Variants in OSBPL9 observed in about 807,000 individuals in gnomAD.
OSBPL9 encodes oxysterol binding protein like 9.
Under a neutral mutation model 106.6 loss-of-function variants are expected in OSBPL9, and 40 were observed. That is an observed-to-expected ratio of 0.38 (90% CI 0.29 to 0.49). The LOEUF is 0.49. Among genes scored for constraint, OSBPL9 ranks in the 20% least tolerant of loss-of-function variants. OSBPL9 has a pLI of 0.97. For missense variants in OSBPL9, 609 were observed against 887.2 expected (o/e 0.69, Z 3.98); for synonymous variants, 269 against 295.4 (o/e 0.91, Z 0.92).
At chr1:51,641,011 A>G (rs969648079) in intron 1 of OSBPL9, among the ~76,000 whole-genome samples, 9 of 151,422 alleles carry the variant, frequency 5.9e-5, no homozygotes, top group Non-Finnish European at 1.2e-4. Context: ...CTGGTCTCCA[A>G]CTCCTGGCCT....
chr1:51,749,459 C>A, intron 7 of OSBPL9: 1 of 385,552 alleles, frequency 2.6e-6, no homozygotes, highest in South Asian at 2.0e-5. Context: ...GCTATAGGCA[C>A]ACGCTACCAC....
the OSBPL9 span, among the ~76,000 whole-genome samples, chr1:51,530,198 A>G: frequency 5.3e-3 from 740 of 140,724 alleles, 15 homozygotes; most frequent in African/African-American, 0.02. Flanking sequence ...AAAAACAAAA[A>G]AAAAAAACCT....
the OSBPL9 span, chr1:51,538,696 T>G: frequency 6.7e-6 from 1 of 149,702 alleles, no homozygotes; most frequent in South Asian, 2.1e-4. Flanking sequence ...GTATTGTTCC[T>G]TTTTTTTTGT....
At chr1:51,630,627 G>A (rs1178711626) in intron 1 of OSBPL9, among the ~76,000 whole-genome samples, 1 of 152,094 alleles carries the variant, frequency 6.6e-6, no homozygotes, top group Non-Finnish European at 1.5e-5. Flanking sequence ...TGTGAAGGCC[G>A]GGGACATTAC....
intron 12 of OSBPL9, among the ~76,000 whole-genome samples, chr1:51,768,074 T>G (rs1334789226): frequency 6.6e-6 from 1 of 150,570 alleles, no homozygotes; most frequent in African/African-American, 2.4e-5. Context: ...CCCGAGTAGC[T>G]GGGACTACAG....
At chr1:51,602,005 C>A (rs543140523) in intron 2 of OSBPL9, among the ~76,000 whole-genome samples, 1 of 97,774 alleles carries the variant, frequency 1.0e-5, no homozygotes, top group South Asian at 3.8e-4. Context: ...TCAATTGTTC[C>A]ATTCTTGGGG....
intron 2 of OSBPL9, among the ~76,000 whole-genome samples, chr1:51,660,343 C>T (rs1231484189): frequency 6.6e-6 from 1 of 151,848 alleles, no homozygotes; most frequent in South Asian, 2.1e-4. Flanking sequence ...AAAAAGATAC[C>T]ACAGTCAAAG....
chr1:51,632,928 T>C (rs1331917513), intron 1 of OSBPL9, among the ~76,000 whole-genome samples: 3 of 151,996 alleles, frequency 2.0e-5, no homozygotes, highest in Non-Finnish European at 4.4e-5. Flanking sequence ...AAGTTAGACT[T>C]GATTAAAAAA....
rs369951861 is a variant in OSBPL9 at position 51,651,418 on chromosome 1, C to T, written c.112-573C>T. On this transcript the variant is annotated intron_variant, in intron 1 of 23. Coordinates refer to ENST00000428468, the MANE Select transcript of OSBPL9 (RefSeq NM_024586.6). ...AGGAGTTCGAGACCAGCCTGGCCAA[C>T]ATGGTGAAACCCCGTCTCTATCAAA... Among the ~76,000 whole-genome samples the T allele has an allele frequency of 1.5e-4, 23 of 152,186 alleles. No homozygotes were observed. In the East Asian group the frequency reaches 2.7e-3, roughly 18 times the overall value.
chr1:51,726,088 G>A (rs1410969387), intron 4 of OSBPL9, among the ~76,000 whole-genome samples: 1 of 152,202 alleles, frequency 6.6e-6, no homozygotes, highest in Non-Finnish European at 1.5e-5. Context: ...AAAAGAAGAT[G>A]TTATTAAGAA....
the OSBPL9 span, among the ~76,000 whole-genome samples, chr1:51,548,827 T>C: frequency 1.3e-5 from 2 of 152,224 alleles, no homozygotes; most frequent in Non-Finnish European, 2.9e-5. Flanking sequence ...AAATCCTGCC[T>C]GAAAATATCT....
upstream of OSBPL9, among the ~76,000 whole-genome samples, chr1:51,615,748 A>G (rs778699798): frequency 2.0e-5 from 3 of 151,972 alleles, no homozygotes; most frequent in Non-Finnish European, 4.4e-5. Flanking sequence ...CTTATCCTCC[A>G]TATCTAAGTT....
chr1:51,617,477 C>A (rs1272877056), intron 1 of OSBPL9, among the ~76,000 whole-genome samples: 1 of 152,076 alleles, frequency 6.6e-6, no homozygotes, highest in African/African-American at 2.4e-5. Context: ...TTCTTAGGGT[C>A]CGCTATTAAG....
intron 2 of OSBPL9, among the ~76,000 whole-genome samples, chr1:51,611,400 A>G (rs1347519040): frequency 1.3e-5 from 2 of 152,208 alleles, no homozygotes; most frequent in African/African-American, 4.8e-5. Flanking sequence ...CACTGTAGGA[A>G]TGTTGTTTTA....
chr1:51,706,764 A>G (rs1397262955), intron 3 of OSBPL9, among the ~76,000 whole-genome samples: 1 of 151,622 alleles, frequency 6.6e-6, no homozygotes, highest in Admixed American at 6.6e-5. Context: ...ATGAATCCAT[A>G]TATCATATTT....
the OSBPL9 span, among the ~76,000 whole-genome samples, chr1:51,541,643 G>C: frequency 2.0e-5 from 3 of 152,194 alleles, no homozygotes; most frequent in Non-Finnish European, 4.4e-5. Flanking sequence ...AAGGCTGTGG[G>C]TGGGGATGGT....
At chr1:51,769,234 TTTTCTC>T (rs1372969197) in intron 12 of OSBPL9, among the ~76,000 whole-genome samples, 1 of 152,218 alleles carries the variant, frequency 6.6e-6, no homozygotes, top group Non-Finnish European at 1.5e-5. Flanking sequence ...TATTTTTTGT[TTTTCTC>T]TTTCTGAAGG....
At chr1:51,595,299 C>T (rs970025519) in intron 1 of OSBPL9, among the ~76,000 whole-genome samples, 6 of 152,198 alleles carry the variant, frequency 3.9e-5, no homozygotes, top group Non-Finnish European at 7.4e-5. Context: ...TGGTTGAAGT[C>T]GCTCTCACTT....
In OSBPL9 at chr1:51,745,592, A is replaced by G. The variant is rs759939463; in HGVS notation, c.375A>G (p.Glu125=). ...AAGATTTTGATAAGAAACTTACAGA[A>G]GCTGATGCTTACCTACAAATCTTGA... ...SVQDFDKKLT[E]ADAYLQILIE... Residue 125 remains glutamate (E), a synonymous_variant, in exon 5 of 24, where the codon GAA becomes GAG. Transcript: ENST00000428468. 1.2e-6 allele frequency: 2 copies of G among 1,605,186 alleles called. No homozygotes were observed. Among genetic ancestry groups the G allele is most frequent in the East Asian group, 2.2e-5 (1 of 44,560 alleles).
Sources: gnomAD v4.1 joint callset for allele counts (sites outside exome capture counted in the v4.1 genomes callset) on GRCh38, gnomAD v4.1.1 for gene constraint, MANE v1.5 for transcripts, NCBI Gene and HGNC (gene_info 2026-07-23, HGNC 2026-07-21) for gene names.